Variants in STK39 observed in about 807,000 individuals in gnomAD.
STK39 encodes the protein STE20/SPS1-related proline-alanine-rich protein kinase.
Under a neutral mutation model 77.8 loss-of-function variants are expected in STK39, and 20 were observed. That is an observed-to-expected ratio of 0.26 (90% confidence interval 0.18 to 0.37). STK39 has a LOEUF of 0.37. Ranked by LOEUF, STK39 falls within the 10% of genes least tolerant of loss-of-function variation. STK39 has a pLI of 1.00. For missense variants in STK39, 479 were observed against 656.5 expected, an observed-to-expected ratio of 0.73 and a Z score of 2.95; for synonymous variants, 246 against 234.1, an observed-to-expected ratio of 1.05 and a Z score of -0.47.
chr2:168,026,345 T>A (rs1357014029), intron 14 of STK39, among the ~76,000 whole-genome samples: 1 of 152,152 alleles, frequency 6.6e-6, no homozygotes, highest in Non-Finnish European at 1.5e-5. Context: ...GAGGTAAAGG[T>A]CCAATCACAG....
Position 168,138,199 on chromosome 2 carries a change from T to C in STK39, c.863A>G (p.Asn288Ser), listed in dbSNP as rs1687888083. ...CCCTGTTTCCAAAGTGGGTGGATCA[T>C]TTTGCAAAGTCAACATTAACACCTG... ...PMKVLMLTLQ[N>S]DPPTLETGVE... Residue 288 changes from asparagine (N) to serine (S), a missense_variant, in exon 8 of 18, where the codon AAT becomes AGT. Physicochemically the swap from Asn to Ser is conservative, Grantham distance 46 (BLOSUM62 1). Coordinates refer to ENST00000355999, the MANE Select transcript of STK39 (RefSeq NM_013233.3). The C allele has an allele frequency of 6.2e-7, 1 of 1,613,138 alleles. No homozygotes were observed. The highest frequency in any genetic ancestry group is 8.5e-7 in the Non-Finnish European group (1 of 1,179,518).
intron 5 of STK39, among the ~76,000 whole-genome samples, chr2:168,146,258 T>C (rs1688137245): frequency 6.6e-6 from 1 of 152,212 alleles, no homozygotes; most frequent in Non-Finnish European, 1.5e-5. Context: ...AGGGCAAAAT[T>C]TGGTCTGAAA....
chr2:168,127,429 G>A (rs762660328), intron 10 of STK39, among the ~76,000 whole-genome samples: 3 of 152,186 alleles, frequency 2.0e-5, no homozygotes, highest in African/African-American at 7.2e-5. Context: ...GATTACAGGT[G>A]TGAGCCACCA....
At chr2:168,071,783 A>C (rs150092453) in intron 12 of STK39, among the ~76,000 whole-genome samples, 4 of 151,466 alleles carry the variant, frequency 2.6e-5, no homozygotes, top group Admixed American at 6.6e-5. Flanking sequence ...GGCAGGAGAA[A>C]GGCGTGAACC....
At chr2:168,222,208 T>C (rs1690190799) in intron 1 of STK39, among the ~76,000 whole-genome samples, 1 of 152,194 alleles carries the variant, frequency 6.6e-6, no homozygotes, top group African/African-American at 2.4e-5. Context: ...CTCCCTGCTA[T>C]AATGAACTGT....
chr2:167,976,900 G>A (rs1015763518), intron 16 of STK39, among the ~76,000 whole-genome samples: 7 of 152,150 alleles, frequency 4.6e-5, no homozygotes, highest in African/African-American at 1.7e-4. Context: ...CAATGCTGTG[G>A]CCTTTATTTG....
chr2:168,157,608 T>C (rs1254593323), intron 5 of STK39, among the ~76,000 whole-genome samples: 1 of 152,148 alleles, frequency 6.6e-6, no homozygotes, highest in Non-Finnish European at 1.5e-5. Flanking sequence ...CCTCACATGG[T>C]AGAAGGGCAC....
intron 1 of STK39, among the ~76,000 whole-genome samples, chr2:168,188,112 T>C (rs1398480999): frequency 1.3e-5 from 2 of 152,182 alleles, no homozygotes; most frequent in South Asian, 2.1e-4. Flanking sequence ...TGATGGATAG[T>C]AAACAAAACA....
chr2:168,224,826 G>A (rs985842833), intron 1 of STK39, among the ~76,000 whole-genome samples: 1 of 152,148 alleles, frequency 6.6e-6, no homozygotes, highest in Non-Finnish European at 1.5e-5. Flanking sequence ...TTGTTCATTT[G>A]TCTTTTACCC....
chr2:168,222,979 ATT>A (rs1307201452), intron 1 of STK39, among the ~76,000 whole-genome samples: 1 of 152,148 alleles, frequency 6.6e-6, no homozygotes, highest in Non-Finnish European at 1.5e-5. Context: ...CATAATCATC[ATT>A]GTCATTTACT....
chr2:168,238,163 G>GTCCCCA (rs148878812), intron 1 of STK39, among the ~76,000 whole-genome samples: 2 of 152,088 alleles, frequency 1.3e-5, no homozygotes, highest in African/African-American at 4.8e-5. Flanking sequence ...CTTCTTCTAA[G>GTCCCCA]ACCCCAACCA....
At chr2:168,103,416 C>T (rs1000261230) in intron 10 of STK39, among the ~76,000 whole-genome samples, 1 of 152,180 alleles carries the variant, frequency 6.6e-6, no homozygotes, top group South Asian at 2.1e-4. Flanking sequence ...GCTGCGGACC[C>T]TTTCATTAGA....
chr2:168,191,652 C>G (rs1689343315), intron 1 of STK39, among the ~76,000 whole-genome samples: 1 of 152,154 alleles, frequency 6.6e-6, no homozygotes, highest in African/African-American at 2.4e-5. Context: ...CACCCATATC[C>G]TTAGATTTGA....
intron 1 of STK39, among the ~76,000 whole-genome samples, chr2:168,206,444 G>A (rs1168366164): frequency 1.3e-5 from 2 of 152,006 alleles, no homozygotes; most frequent in African/African-American, 2.4e-5. Context: ...GGGATTACAA[G>A]CGTCCGCCAC....
intron 14 of STK39, among the ~76,000 whole-genome samples, chr2:168,056,343 G>C (rs964046593): frequency 1.3e-5 from 2 of 152,166 alleles, no homozygotes; most frequent in East Asian, 1.9e-4. Flanking sequence ...TCCGGGGGGA[G>C]GGGGAGGGGC....
At chr2:167,993,581 G>A (rs1225863619) in intron 16 of STK39, among the ~76,000 whole-genome samples, 1 of 152,124 alleles carries the variant, frequency 6.6e-6, no homozygotes, top group African/African-American at 2.4e-5. Context: ...CCGGGCTAAG[G>A]GAAGGAAAGA....
chr2:168,242,589 AT>A, intron 1 of STK39, among the ~76,000 whole-genome samples: 1 of 128,448 alleles, frequency 7.8e-6, no homozygotes, highest in African/African-American at 3.0e-5. Context: ...ATATATATAT[AT>A]ATATATAAAG....
intron 12 of STK39, among the ~76,000 whole-genome samples, chr2:168,072,976 G>A (rs539812398): frequency 6.6e-6 from 1 of 152,280 alleles, no homozygotes; most frequent in Admixed American, 6.5e-5. Flanking sequence ...TCCTTTCACA[G>A]AAATAAGAGT....
intron 10 of STK39, among the ~76,000 whole-genome samples, chr2:168,115,626 G>A (rs1687238409): frequency 6.6e-6 from 1 of 152,104 alleles, no homozygotes; most frequent in East Asian, 1.9e-4. Context: ...ATTTGATTAC[G>A]CTAATCTATG....
Sources: allele counts gnomAD v4.1 joint callset (sites outside exome capture counted in the v4.1 genomes callset), GRCh38; gene constraint gnomAD v4.1.1; transcripts MANE v1.5; gene names NCBI Gene and HGNC (gene_info 2026-07-23, HGNC 2026-07-21).